RXRA: variants seen among roughly 807,000 people sequenced by gnomAD.
RXRA encodes the protein retinoic acid receptor RXR-alpha.
A neutral mutation model predicts 44.5 loss-of-function variants in RXRA; 5 were observed. The ratio of observed to expected loss-of-function variants is 0.11; its 90% CI spans 0.06 to 0.24. The LOEUF (loss-of-function observed/expected upper bound fraction) is 0.24, where lower values mean the gene tolerates loss of function less well. Among genes scored for constraint, RXRA ranks in the 10% least tolerant of loss-of-function variants. The pLI is 1.00. For synonymous variants in RXRA, 291 were observed against 271.4 expected, an observed-to-expected ratio of 1.07 and a Z score of -0.71; for missense variants, 412 against 646.5, an observed-to-expected ratio of 0.64 and a Z score of 3.93.
rs367551026 is a variant in RXRA at position 134,401,685 on chromosome 9, A to G, written c.82A>G (p.Met28Val). 2.6e-5 allele frequency: 42 copies of G among 1,612,922 alleles called. No homozygotes were observed. The highest frequency in any genetic ancestry group is 3.4e-5 in the Non-Finnish European group (40 of 1,179,964). ...SLTSPTGRGS[M>V]AAPSLHPSLG... ...CACCTCCCCGACGGGGCGAGGCTCCATGGCTGCCCCCTCGCTGCACCCGTC... is the reference window on the plus strand; with the variant it reads ...CACCTCCCCGACGGGGCGAGGCTCCGTGGCTGCCCCCTCGCTGCACCCGTC... Residue 28 changes from methionine to valine, a missense_variant, in exon 2 of 10, where the codon ATG becomes GTG. Physicochemically the swap from Met to Val is conservative, Grantham distance 21. This residue lies in a region of RXRA where 156 missense variants were observed against 177.2 expected (regional missense o/e 0.88). Transcript: ENST00000481739.
chr9:134,342,205 T>C lies in RXRA; in HGVS notation c.28+15546T>C, dbSNP rs889107007. Among the ~76,000 whole-genome samples, 4 of 152,082 alleles carry C rather than the reference T, an allele frequency of 2.6e-5. No individual in the cohort carries two copies. The South Asian group carries it at 8.3e-4, about 32-fold the overall frequency. ...AGGCTGGAGAAAGCCCTGGACCCAC[T>C]GTGGATCCCAGGCCAGAGTGAGGGC... is the stretch of plus-strand genomic sequence containing the variant. On this transcript the variant is annotated intron_variant, in intron 1 of 9. Transcript: ENST00000481739. The surrounding 1 kb of genome is among the most constrained non-coding windows in gnomAD (Gnocchi z 4.4).
chr9:134,416,090 G>C (rs1390068695), intron 4 of RXRA, among the ~76,000 whole-genome samples: 1 of 152,088 alleles, frequency 6.6e-6, no homozygotes, highest in East Asian at 1.9e-4. Flanking sequence ...CGTGTCTCGG[G>C]GGAACCGCCC....
intron 4 of RXRA, among the ~76,000 whole-genome samples, chr9:134,416,504 TG>T (rs1396965093): frequency 1.3e-5 from 2 of 152,078 alleles, no homozygotes; most frequent in African/African-American, 4.8e-5. Context: ...TCGGTGGAGC[TG>T]GGTGGGCCGT....
chr9:134,364,140 T>A (rs953888278), intron 1 of RXRA, among the ~76,000 whole-genome samples: 1 of 152,138 alleles, frequency 6.6e-6, no homozygotes, highest in Non-Finnish European at 1.5e-5. Context: ...TGCCCATTTC[T>A]TTTCCCCCCA....
At chr9:134,391,883 C>T (rs572029577) in intron 1 of RXRA, among the ~76,000 whole-genome samples, 73 of 152,362 alleles carry the variant, frequency 4.8e-4, no homozygotes, top group African/African-American at 1.7e-3. Flanking sequence ...CCTGGTTCCT[C>T]CCCTGCAGGA....
At position 134,434,115 on chromosome 9, in the gene RXRA, C is replaced by T; in HGVS notation, c.1149C>T (p.Leu383=). The T allele has an allele frequency of 6.2e-7, 1 of 1,613,588 alleles. No individual in the cohort carries two copies. The highest frequency in any genetic ancestry group is 8.5e-7 in the Non-Finnish European group (1 of 1,179,836). Residue 383 remains leucine, a synonymous_variant, in exon 9 of 10, where the codon CTC becomes CTT. Coordinates refer to ENST00000481739, the MANE Select transcript of RXRA (RefSeq NM_002957.6). ...TCTTCCTTTCAGACTCCAAGGGGCT[C>T]TCGAACCCGGCCGAGGTGGAGGCGC... ...IVLFNPDSKG[L]SNPAEVEALR...
rs1236659671 is a variant in RXRA, at chr9:134,417,564, G to C, written c.780+237G>C. Among the ~76,000 whole-genome samples the C allele has an allele frequency of 6.6e-6, 1 of 152,048 alleles. No homozygotes were observed. The highest frequency in any genetic ancestry group is 1.5e-5 in the Non-Finnish European group (1 of 67,976). ...GTAGCCCATGGGGCAGGGGCCAGGG[G>C]CCAGGGGCCCGGGGCCTGGGGCCCT... On this transcript the variant is annotated intron_variant, in intron 5 of 9. Coordinates refer to ENST00000481739, the MANE Select transcript of RXRA (RefSeq NM_002957.6). This position sits in a 1 kb window ranked among gnomAD's most constrained non-coding sequence, Gnocchi z 6.1.
intron 1 of RXRA, among the ~76,000 whole-genome samples, chr9:134,330,411 G>GA (rs1455681487): frequency 6.6e-6 from 1 of 152,198 alleles, no homozygotes; most frequent in Admixed American, 6.5e-5. Context: ...ACAAGGGCCT[G>GA]GGGGGCTGGC....
intron 1 of RXRA, chr9:134,374,208 C>T (rs1009894070): frequency 6.6e-6 from 1 of 152,422 alleles, no homozygotes; most frequent in East Asian, 1.9e-4. Flanking sequence ...AGGCCCTACC[C>T]AGCCGAGAGC....
At chr9:134,359,406 C>T (rs1345967856) in intron 1 of RXRA, among the ~76,000 whole-genome samples, 1 of 152,136 alleles carries the variant, frequency 6.6e-6, no homozygotes. Context: ...GCCCACCTCC[C>T]CTCCCTTCCC....
chr9:134,387,837 G>A (rs1354867129), intron 1 of RXRA, among the ~76,000 whole-genome samples: 3 of 152,180 alleles, frequency 2.0e-5, no homozygotes, highest in Non-Finnish European at 4.4e-5. Flanking sequence ...CCCGTGCCTC[G>A]CTTGGGCTGT....
In RXRA at chr9:134,401,855, C is replaced by T; in HGVS notation, c.252C>T (p.Thr84=). The part of the protein sequence containing the change: ...PHSMSVPTTP[T]LGFSTGSPQL... ...CCATGTCGGTGCCCACCACACCCACCCTGGGCTTCAGCACTGGCAGCCCCC... is the reference window on the plus strand; with the variant it reads ...CCATGTCGGTGCCCACCACACCCACTCTGGGCTTCAGCACTGGCAGCCCCC... Residue 84 remains threonine (T), a synonymous_variant, in exon 2 of 10, where the codon ACC becomes ACT. Coordinates refer to ENST00000481739, the MANE Select transcript of RXRA (RefSeq NM_002957.6). 1.9e-6 allele frequency: 3 copies of T among 1,611,126 alleles called. No individual in the cohort carries two copies. Among genetic ancestry groups the T allele is most frequent in the Non-Finnish European group, 2.5e-6 (3 of 1,178,664 alleles).
intron 1 of RXRA, among the ~76,000 whole-genome samples, chr9:134,355,075 G>T (rs772716667): frequency 3.3e-5 from 5 of 152,262 alleles, no homozygotes; most frequent in Non-Finnish European, 5.9e-5. Flanking sequence ...CTGCAGGGAT[G>T]CGGTGGCTCA....
intron 1 of RXRA, among the ~76,000 whole-genome samples, chr9:134,391,490 C>A (rs531552597): frequency 6.6e-6 from 1 of 152,180 alleles, no homozygotes; most frequent in African/African-American, 2.4e-5. Context: ...CTGGGGGCCC[C>A]CTCGCCACAC....
Position 134,401,716 on chromosome 9 carries a change from G to A in RXRA, c.113G>A (p.Gly38Glu). The change falls in exon 2 of 10, where the codon GGG becomes GAG. Residue 38 changes from glycine to glutamate, a missense_variant. Gly to Glu is a moderately conservative substitution (Grantham distance 98). This residue lies in a region of RXRA where 156 missense variants were observed against 177.2 expected (regional missense o/e 0.88). Transcript: ENST00000481739. ...GCCCCCTCGCTGCACCCGTCCCTGGGGCCTGGCATCGGCTCCCCGGGACAG... is the reference window on the plus strand; with the variant it reads ...GCCCCCTCGCTGCACCCGTCCCTGGAGCCTGGCATCGGCTCCCCGGGACAG... ...MAAPSLHPSL[G>E]PGIGSPGQLH... 6.2e-7 allele frequency: 1 copy of A among 1,613,188 alleles called. No individual in the cohort carries two copies. The highest frequency in any genetic ancestry group is 8.5e-7 in the Non-Finnish European group (1 of 1,179,988).
At chr9:134,340,789 G>A (rs1830076959) in intron 1 of RXRA, among the ~76,000 whole-genome samples, 1 of 152,214 alleles carries the variant, frequency 6.6e-6, no homozygotes, top group African/African-American at 2.4e-5. Context: ...AGCTCCGGGA[G>A]CAAGGAGCCT....
chr9:134,392,870 T>C (rs1249468429), intron 1 of RXRA, among the ~76,000 whole-genome samples: 3 of 151,902 alleles, frequency 2.0e-5, no homozygotes, highest in Non-Finnish European at 2.9e-5. Context: ...AGCGGCTGCG[T>C]TGGGAACCCG....
chr9:134,370,266 C>G (rs147135710), intron 1 of RXRA, among the ~76,000 whole-genome samples: 1 of 152,158 alleles, frequency 6.6e-6, no homozygotes, highest in African/African-American at 2.4e-5. Flanking sequence ...AGCACTGGCT[C>G]CGCCGCTGCT....
intron 1 of RXRA, among the ~76,000 whole-genome samples, chr9:134,383,012 T>G (rs1399781159): frequency 1.3e-5 from 2 of 152,198 alleles, no homozygotes; most frequent in Non-Finnish European, 2.9e-5. Context: ...TGGAGCCACC[T>G]GGCTATGCCC....
Sources: allele counts gnomAD v4.1 joint callset (sites outside exome capture counted in the v4.1 genomes callset), GRCh38; gene constraint gnomAD v4.1.1; regional missense constraint gnomAD v4.1.1; non-coding constraint Gnocchi (gnomAD v3.1); transcripts MANE v1.5; gene names NCBI Gene and HGNC (gene_info 2026-07-23, HGNC 2026-07-21).